FKBP4: variants seen among roughly 807,000 people sequenced by gnomAD.
FKBP4 encodes FKBP prolyl isomerase 4, also known as peptidyl-prolyl cis-trans isomerase FKBP4.
A neutral mutation model predicts 54.1 loss-of-function variants in FKBP4; 28 were observed. That is an observed-to-expected ratio of 0.52 (90% CI 0.38 to 0.71). The LOEUF (loss-of-function observed/expected upper bound fraction) is 0.71, where lower values mean the gene tolerates loss of function less well. Among genes scored for constraint, FKBP4 ranks in the 30% least tolerant of loss-of-function variants. The probability of loss-of-function intolerance (pLI) is 0.00; values close to 1 mark genes in which losing one functional copy is unlikely to be tolerated. For missense variants in FKBP4, 493 were observed against 574.4 expected, an observed-to-expected ratio of 0.86 and a Z score of 1.45; for synonymous variants, 223 against 216.1, an observed-to-expected ratio of 1.03 and a Z score of -0.28.
In FKBP4 at chr12:2,795,462, G is replaced by A. The variant is rs2097901149; in HGVS notation, c.105+218G>A. On this transcript the variant is annotated intron_variant, in intron 1 of 9. Coordinates refer to ENST00000001008, the MANE Select transcript of FKBP4 (RefSeq NM_002014.4). This position sits in a 1 kb window ranked among gnomAD's most constrained non-coding sequence, Gnocchi z 4.3. ...TGCGCTCGGCAGGGGGGCGGCCTAG[G>A]TGCGCGGGCCGAGGCCCCAGGCTCC... Among the ~76,000 whole-genome samples the A allele has an allele frequency of 6.8e-6, 1 of 147,376 alleles. No homozygotes were observed. Among genetic ancestry groups the A allele is most frequent in the Non-Finnish European group, 1.5e-5 (1 of 66,114 alleles).
rs1486733598 is a variant in FKBP4, at chr12:2,800,234, T to C, written c.846+112T>C. ...GCCAAGAAGTGGACAGGTTGGCACC[T>C]GCCATCTTCACTTCATATATGTGAG... On this transcript the variant is annotated intron_variant, in intron 7 of 9. Transcript: ENST00000001008. 3 of 1,391,274 alleles carry C rather than the reference T, an allele frequency of 2.2e-6. No individual in the cohort carries two copies. The African/African-American group carries it at 4.3e-5, about 20-fold the overall frequency. The allele number at this position is 1,391,274 out of a possible 1,614,324, so 86.2% of individuals were successfully genotyped here.
intron 2 of FKBP4, 112 bp downstream of exon 2, chr12:2,797,394 G>T: frequency 4.1e-6 from 5 of 1,218,136 alleles, no homozygotes; most frequent in East Asian, 2.4e-5. Context: ...ATCACAGTCT[G>T]TTAACTCTTT....
chr12:2,800,270 T>C, intron 7 of FKBP4, 122 bp from the exon 8 acceptor site: 1 of 1,373,384 alleles, frequency 7.3e-7, no homozygotes, highest in Non-Finnish European at 1.0e-6. Flanking sequence ...CTTGCTGGCC[T>C]TGCCAGTGGG....
At chr12:2,803,072 CTG>C (rs2097905727) in intron 9 of FKBP4, 77 bp from the exon 10 acceptor site, 1 of 1,007,438 alleles carries the variant, frequency 9.9e-7, no homozygotes, top group Non-Finnish European at 1.5e-6. Flanking sequence ...ATGGGTGTAT[CTG>C]TGTAATTCTG....
Position 2,795,093 on chromosome 12 carries a change from C to T in FKBP4, c.-47C>T. 1 of 1,206,870 alleles carries T rather than the reference C, an allele frequency of 8.3e-7. No homozygotes were observed. 74.8% of individuals were successfully genotyped at this position (1,206,870 alleles called of 1,614,324 possible). A position where few individuals can be genotyped will look rare whatever the true frequency, so the allele number is the denominator to read the frequency against. ...GCGCCCCCGCCCGCGGCCCAGAGTGCGCTCGCGCCGGCACCAGCTCCCGGA... is the reference window on the plus strand; with the variant it reads ...GCGCCCCCGCCCGCGGCCCAGAGTGTGCTCGCGCCGGCACCAGCTCCCGGA... On this transcript the variant is annotated 5_prime_UTR_variant, in exon 1 of 10. Coordinates refer to ENST00000001008, the MANE Select transcript of FKBP4 (RefSeq NM_002014.4). This position sits in a 1 kb window ranked among gnomAD's most constrained non-coding sequence, Gnocchi z 4.3.
In FKBP4 at chr12:2,798,590, C is replaced by T. The variant is rs1603481427; in HGVS notation, c.394-116C>T. 1 of 1,547,548 alleles carries T rather than the reference C, an allele frequency of 6.5e-7. No homozygotes were observed. The highest frequency in any genetic ancestry group is 1.4e-5 in the African/African-American group (1 of 73,862). ...CACTCTACCCAACTCCTTGTGACTG[C>T]CCTTGTGGTCAGATCCGGCCTGGCA... is the stretch of plus-strand genomic sequence containing the variant. On this transcript the variant is annotated intron_variant, in intron 3 of 9. Transcript: ENST00000001008. This position sits in a 1 kb window ranked among gnomAD's most constrained non-coding sequence, Gnocchi z 4.3.
At chr12:2,803,013 C>T in intron 9 of FKBP4, 138 bp from the exon 10 acceptor site, 2 of 627,058 alleles carry the variant, frequency 3.2e-6, no homozygotes, top group Non-Finnish European at 5.7e-6. Context: ...CAGGCATAAG[C>T]CACCAGGCTT....
chr12:2,797,335 C>CA, intron 2 of FKBP4, 53 bp downstream of exon 2: 2 of 1,602,786 alleles, frequency 1.2e-6, no homozygotes, highest in Non-Finnish European at 1.7e-6. Context: ...CACAAGCTGT[C>CA]ACAAGCAGAA....
rs901731852 is a variant in FKBP4 at position 2,797,754 on chromosome 12, T to C, written c.276T>C (p.Ile92=). The change falls in exon 3 of 10, where the codon ATT becomes ATC. Residue 92 remains isoleucine, a synonymous_variant. Coordinates refer to ENST00000001008, the MANE Select transcript of FKBP4 (RefSeq NM_002014.4). ...GGGAGGTCATCAAGGCTTGGGACAT[T>C]GCCATAGCCACCATGAAGGTGGGGG... ...GKGEVIKAWD[I]AIATMKVGEV... The C allele has an allele frequency of 5.0e-6, 8 of 1,613,588 alleles. No homozygotes were observed. Among genetic ancestry groups the C allele is most frequent in the Non-Finnish European group, 5.1e-6 (6 of 1,179,738 alleles).
chr12:2,802,354 C>T (rs116453014), intron 9 of FKBP4, among the ~76,000 whole-genome samples: 4,430 of 152,116 alleles, frequency 0.029, 207 homozygotes, highest in African/African-American at 0.1. Context: ...ACCAGGCTCT[C>T]GAACTCCTGA....
intron 9 of FKBP4, among the ~76,000 whole-genome samples, chr12:2,802,475 T>C (rs961597199): frequency 3.3e-5 from 5 of 152,150 alleles, no homozygotes; most frequent in Admixed American, 2.0e-4. Context: ...CCAGTAGAAA[T>C]ACAGTATCAA....
At chr12:2,800,233 C>G in intron 7 of FKBP4, 111 bp downstream of exon 7, 1 of 1,389,658 alleles carries the variant, frequency 7.2e-7, no homozygotes, top group Non-Finnish European at 1.0e-6. Context: ...AGGTTGGCAC[C>G]TGCCATCTTC....
rs995160594 is a variant in FKBP4, at chr12:2,801,453, G to T, written c.1272+97G>T. On this transcript the variant is annotated intron_variant, in intron 9 of 9. Transcript: ENST00000001008. The stretch of plus-strand genomic sequence containing the variant: ...CCTTTGGTTGTCTGTGCCAATCCCG[G>T]AAACCAGAAGTTGCCTTTTCCCTGG... The T allele has an allele frequency of 4.5e-6, 7 of 1,553,288 alleles. No individual in the cohort carries two copies. In the African/African-American group the frequency reaches 9.5e-5, roughly 21 times the overall value.
chr12:2,800,838 G>C (rs73050592), intron 8 of FKBP4, among the ~76,000 whole-genome samples: 6,455 of 152,338 alleles, frequency 0.042, 186 homozygotes, highest in Non-Finnish European at 0.064. Context: ...TTGGTTCTTA[G>C]CCTCTCCGCT....
rs56196860 is a variant in FKBP4 at position 2,799,164 on chromosome 12, C to A, written c.591C>A (p.Asn197Lys). 40,581 of 1,594,612 alleles carry A rather than the reference C, an allele frequency of 0.025. 633 individuals carry two copies. The highest frequency in any genetic ancestry group is 0.031 in the Non-Finnish European group (35,857 of 1,172,330). Residue 197 changes from asparagine to lysine, a missense_variant, in exon 5 of 10, where the codon AAC becomes AAA. Asn to Lys is a moderately conservative substitution (Grantham distance 94, BLOSUM62 0). Transcript: ENST00000001008. ...ELRFEIGEGE[N>K]LDLPYGLERA... ...GCTTTGAGATTGGCGAGGGGGAGAA[C>A]CTGGATCTGCCTTATGGTCTGGAGA...
intron 1 of FKBP4, 43 bp from the exon 2 acceptor site, chr12:2,797,095 G>C: frequency 6.2e-7 from 1 of 1,609,494 alleles, no homozygotes; most frequent in Non-Finnish European, 8.5e-7. Flanking sequence ...GCCCCTTTCT[G>C]CCCCAAACCC....
chr12:2,803,326 T>G lies in FKBP4; in HGVS notation c.*68T>G. Reference sequence around the variant, plus strand: ...GTCTCCCCACTCCACCCTGTTAGTTTTGTAAAAACTGAAGAATTTTGAGTG... The same window carrying G: ...GTCTCCCCACTCCACCCTGTTAGTTGTGTAAAAACTGAAGAATTTTGAGTG... On this transcript the variant is annotated 3_prime_UTR_variant, in exon 10 of 10. Transcript: ENST00000001008. 1 of 1,129,054 alleles carries G rather than the reference T, an allele frequency of 8.9e-7. No individual in the cohort carries two copies. Among genetic ancestry groups the G allele is most frequent in the Non-Finnish European group, 1.3e-6 (1 of 779,990 alleles). 69.9% of individuals were successfully genotyped at this position (1,129,054 alleles called of 1,614,324 possible).
In FKBP4 at chr12:2,800,092, A is replaced by C. The variant is rs2097903907; in HGVS notation, c.816A>C (p.Ile272=). ...NSEEKLEQST[I]VKERGTVYFK... ...AAGAGAAGCTGGAACAGAGCACCAT[A>C]GTGAAAGAGCGGGGCACTGTGTACT... The change falls in exon 7 of 10, where the codon ATA becomes ATC. Residue 272 remains isoleucine (I), a synonymous_variant. Coordinates refer to ENST00000001008, the MANE Select transcript of FKBP4 (RefSeq NM_002014.4). 1.9e-6 allele frequency: 3 copies of C among 1,613,816 alleles called. No homozygotes were observed. Among genetic ancestry groups the C allele is most frequent in the African/African-American group, 1.3e-5 (1 of 75,048 alleles).
chr12:2,801,090 A>G lies in FKBP4; in HGVS notation c.1033-27A>G, dbSNP rs373551963. On this transcript the variant is annotated intron_variant, in intron 8 of 9. Transcript: ENST00000001008. ...GAGCTACAAGCCCTGAGCTCCCACA[A>G]TGTGGCTTCCTCTCTGCATTCTTTA... 52 of 1,611,578 alleles carry G rather than the reference A, an allele frequency of 3.2e-5. No homozygotes were observed. The African/African-American group carries it at 6.6e-4, about 20-fold the overall frequency.
Sources: allele counts gnomAD v4.1 joint callset (sites outside exome capture counted in the v4.1 genomes callset), GRCh38; gene constraint gnomAD v4.1.1; non-coding constraint Gnocchi (gnomAD v3.1); transcripts MANE v1.5; gene names NCBI Gene and HGNC (gene_info 2026-07-23, HGNC 2026-07-21).